Variants in ACLY observed in about 807,000 individuals in gnomAD.
The protein encoded by ACLY is ATP citrate lyase.
Under a neutral mutation model 133.0 loss-of-function variants are expected in ACLY, and 41 were observed. That is an observed-to-expected ratio of 0.31 (90% CI 0.24 to 0.40). ACLY has a LOEUF of 0.40. ACLY is among the 10% of genes least tolerant of loss of function. The probability of loss-of-function intolerance (pLI) is 1.00; values close to 1 mark genes in which losing one functional copy is unlikely to be tolerated. For synonymous variants in ACLY, 495 were observed against 549.3 expected (o/e 0.90, Z 1.38); for missense variants, 1,046 against 1,453.8 (o/e 0.72, Z 4.56).
At chr17:41,887,505 G>C (rs900904966) in intron 17 of ACLY, 94 bp downstream of exon 17, 21 of 974,290 alleles carry the variant, frequency 2.2e-5, no homozygotes, top group Non-Finnish European at 3.1e-5. Context: ...CAACCTAGGA[G>C]GGAGATAGAG....
At chr17:41,928,641 C>T (rs2050270362) in intron 1 of ACLY, among the ~76,000 whole-genome samples, 1 of 151,708 alleles carries the variant, frequency 6.6e-6, no homozygotes, top group African/African-American at 2.4e-5. Context: ...CACCTGAGGT[C>T]AGGAGTTCAA....
intron 25 of ACLY, among the ~76,000 whole-genome samples, chr17:41,871,294 T>C (rs1555624976): frequency 6.6e-6 from 1 of 152,126 alleles, no homozygotes; most frequent in Non-Finnish European, 1.5e-5. Flanking sequence ...AGCTTAGGTA[T>C]TCTCCCAAAT....
chr17:41,876,948 G>T (rs192951596), intron 22 of ACLY, among the ~76,000 whole-genome samples: 1 of 151,824 alleles, frequency 6.6e-6, no homozygotes, highest in Non-Finnish European at 1.5e-5. Context: ...AAAAAGAAAT[G>T]GGGGAGCCCT....
Position 41,904,750 on chromosome 17 carries a change from G to A in ACLY, c.1044C>T (p.Thr348=), listed in dbSNP as rs533228404. ...LIIGGSIANF[T]NVAATFKGIV... ...TTACCTTGAACGTGGCAGCCACGTT[G>A]GTGAAGTTTGCGATGCTGCCTCCAA... Residue 348 remains threonine (T), a synonymous_variant, in exon 10 of 29, where the codon ACC becomes ACT. Coordinates refer to ENST00000352035, the MANE Select transcript of ACLY (RefSeq NM_001096.3). 1.2e-6 allele frequency: 2 copies of A among 1,614,056 alleles called. No homozygotes were observed. Among genetic ancestry groups the A allele is most frequent in the South Asian group, 2.2e-5 (2 of 91,072 alleles).
At chr17:41,927,939 C>G (rs1436733844) in intron 1 of ACLY, among the ~76,000 whole-genome samples, 1 of 151,996 alleles carries the variant, frequency 6.6e-6, no homozygotes, top group Non-Finnish European at 1.5e-5. Context: ...GAGTTCAAAA[C>G]CAGCCTGGGC....
Position 41,904,800 on chromosome 17 carries a change from G to C in ACLY, c.1004-10C>G. 6.2e-7 allele frequency: 1 copy of C among 1,612,986 alleles called. No homozygotes were observed. Among genetic ancestry groups the C allele is most frequent in the Non-Finnish European group, 8.5e-7 (1 of 1,178,988 alleles). On this transcript the variant is annotated splice_polypyrimidine_tract_variant and intron_variant, in intron 9 of 28. Coordinates refer to ENST00000352035, the MANE Select transcript of ACLY (RefSeq NM_001096.3). ...ATGATGAGGATCTTGCCTGGATTTG[G>C]AGTAAGAGAGAATCAAAAACAGTTA...
At chr17:41,913,047 T>C (rs1156803600) in intron 2 of ACLY, among the ~76,000 whole-genome samples, 1 of 152,036 alleles carries the variant, frequency 6.6e-6, no homozygotes, top group Admixed American at 6.6e-5. Context: ...GCCAGGAAAC[T>C]CCCTCCATCC....
intron 25 of ACLY, among the ~76,000 whole-genome samples, chr17:41,870,070 A>T (rs1555624780): frequency 6.6e-6 from 1 of 152,192 alleles, no homozygotes; most frequent in Non-Finnish European, 1.5e-5. Context: ...CCTGCTGTGA[A>T]TGAAATTAAC....
chr17:41,910,499 G>C (rs782300872), intron 3 of ACLY, among the ~76,000 whole-genome samples: 2 of 152,228 alleles, frequency 1.3e-5, no homozygotes, highest in Non-Finnish European at 2.9e-5. Flanking sequence ...GGCTGTGCCT[G>C]AACAGGCACC....
chr17:41,909,802 A>G, intron 4 of ACLY, 102 bp from the exon 5 acceptor site: 1 of 1,006,454 alleles, frequency 9.9e-7, no homozygotes, highest in Non-Finnish European at 1.5e-6. Context: ...CTGGGAGAGG[A>G]AACCAATCCC....
chr17:41,907,585 C>A lies in ACLY; in HGVS notation c.617-13G>T. The A allele has an allele frequency of 6.2e-7, 1 of 1,611,604 alleles. No homozygotes were observed. The highest frequency in any genetic ancestry group is 8.5e-7 in the Non-Finnish European group (1 of 1,177,920). ...TCTTTGGTCACTACTTCAAGGGGAG[C>A]AGAGGCAATCATCAGACACCGGCTC... On this transcript the variant is annotated splice_polypyrimidine_tract_variant and intron_variant, in intron 6 of 28. Transcript: ENST00000352035.
intron 11 of ACLY, among the ~76,000 whole-genome samples, chr17:41,900,069 CAAAAAAAAAAAAAAA>C (rs60296550): frequency 1.3e-4 from 6 of 46,614 alleles, no homozygotes; most frequent in Non-Finnish European, 2.1e-4. Context: ...ACCCTGTCTC[CAAAAAAAAAAAAAAA>C]AAAAAAAAAA....
Position 41,867,641 on chromosome 17 carries a change from G to A in ACLY, c.*169C>T, listed in dbSNP as rs1237527318. On this transcript the variant is annotated 3_prime_UTR_variant, in exon 29 of 29. Coordinates refer to ENST00000352035, the MANE Select transcript of ACLY (RefSeq NM_001096.3). ...AATATGAAGCTTCTTTGTGTGGACTGAAGGGGTGTTAGCCTGTGGATGTTG... is the reference window on the plus strand; with the variant it reads ...AATATGAAGCTTCTTTGTGTGGACTAAAGGGGTGTTAGCCTGTGGATGTTG... 36 of 450,612 alleles carry A rather than the reference G, an allele frequency of 8.0e-5. No homozygotes were observed. The highest frequency in any genetic ancestry group is 3.2e-5 in the Non-Finnish European group (8 of 251,484). The allele number at this position is 450,612 out of a possible 1,614,324, so 27.9% of individuals were successfully genotyped here.
At chr17:41,897,524 G>A (rs1423541920) in intron 13 of ACLY, among the ~76,000 whole-genome samples, 2 of 152,130 alleles carry the variant, frequency 1.3e-5, no homozygotes, top group Non-Finnish European at 2.9e-5. Flanking sequence ...AGAGAATAGG[G>A]GGAGTTGAGG....
intron 2 of ACLY, among the ~76,000 whole-genome samples, chr17:41,913,511 T>C (rs1405590869): frequency 6.6e-6 from 1 of 152,204 alleles, no homozygotes; most frequent in Non-Finnish European, 1.5e-5. Context: ...TTCAAGCCCA[T>C]GGCAGGGTAT....
intron 6 of ACLY, among the ~76,000 whole-genome samples, chr17:41,908,754 ACT>A (rs1424974184): frequency 2.0e-5 from 3 of 152,140 alleles, no homozygotes; most frequent in African/African-American, 7.2e-5. Context: ...ACAGGGCAAG[ACT>A]CTGTCTCTAA....
chr17:41,919,523 G>A (rs1481093679), upstream of ACLY, among the ~76,000 whole-genome samples: 1 of 152,222 alleles, frequency 6.6e-6, no homozygotes, highest in African/African-American at 2.4e-5. Context: ...GGGCCGATGA[G>A]GCAAGGCTGA....
At chr17:41,925,742 G>A (rs1222113117) in intron 1 of ACLY, among the ~76,000 whole-genome samples, 1 of 152,160 alleles carries the variant, frequency 6.6e-6, no homozygotes, top group African/African-American at 2.4e-5. Flanking sequence ...TCACAGTGAA[G>A]GCAGTAGTTA....
chr17:41,923,473 A>T (rs2050205781), upstream of ACLY, among the ~76,000 whole-genome samples: 1 of 152,218 alleles, frequency 6.6e-6, no homozygotes, highest in Non-Finnish European at 1.5e-5. Flanking sequence ...TTTGCCTATG[A>T]TCAACTAACC....
Sources: gnomAD v4.1 joint callset for allele counts (sites outside exome capture counted in the v4.1 genomes callset) on GRCh38, gnomAD v4.1.1 for gene constraint, MANE v1.5 for transcripts, NCBI Gene and HGNC (gene_info 2026-07-23, HGNC 2026-07-21) for gene names.